Variants in UBE2V1 observed in about 807,000 individuals in gnomAD.
UBE2V1 encodes ubiquitin-conjugating enzyme E2 variant 1.
In UBE2V1, 15 loss-of-function variants were observed where a neutral mutation model predicts 19.6. That is an observed-to-expected ratio of 0.77 (90% CI 0.51 to 1.18). UBE2V1 has a LOEUF of 1.18. Ranked by LOEUF, UBE2V1 falls within the 50% of genes most tolerant of loss-of-function variation. The probability of loss-of-function intolerance (pLI) is 0.00; values close to 1 mark genes in which losing one functional copy is unlikely to be tolerated. For missense variants in UBE2V1, 125 were observed against 184.8 expected, an observed-to-expected ratio of 0.68 and a Z score of 1.88; for synonymous variants, 60 against 60.7, an observed-to-expected ratio of 0.99 and a Z score of 0.05.
chr20:50,106,850 CAACA>C (rs2080398506), intron 1 of UBE2V1, among the ~76,000 whole-genome samples: 2 of 108,262 alleles, frequency 1.8e-5, no homozygotes, highest in African/African-American at 7.4e-5. Context: ...CCAAAAACAA[CAACA>C]ACAACAACAA....
upstream of UBE2V1, among the ~76,000 whole-genome samples, chr20:50,113,814 CAAA>C (rs2080925111): frequency 6.9e-4 from 20 of 29,148 alleles, no homozygotes; most frequent in South Asian, 0.015. Flanking sequence ...TTCATTCAAC[CAAA>C]CAAACAAACA....
intron 1 of UBE2V1, among the ~76,000 whole-genome samples, chr20:50,102,542 G>A (rs749386140): frequency 5.3e-5 from 8 of 152,002 alleles, no homozygotes; most frequent in Middle Eastern, 3.2e-3. Flanking sequence ...TCCCACATGC[G>A]CTACCATGCC....
At chr20:50,112,616 A>AC (rs1257404688) in intron 1 of UBE2V1, among the ~76,000 whole-genome samples, 1 of 151,600 alleles carries the variant, frequency 6.6e-6, no homozygotes, top group Non-Finnish European at 1.5e-5. Context: ...CTCTCAAGTC[A>AC]CCCCCTCAGG....
At chr20:50,099,856 C>CT (rs2079870874) in intron 1 of UBE2V1, among the ~76,000 whole-genome samples, 1 of 152,198 alleles carries the variant, frequency 6.6e-6, no homozygotes, top group South Asian at 2.1e-4. Flanking sequence ...AATCCCAGCA[C>CT]TTTGAGAGGC....
chr20:50,094,658 T>C (rs1050239835), intron 2 of UBE2V1, among the ~76,000 whole-genome samples: 1 of 152,044 alleles, frequency 6.6e-6, no homozygotes, highest in African/African-American at 2.4e-5. Context: ...CCATTTATAA[T>C]AGATGTTCAG....
chr20:50,104,655 CAAAAAAAAA>C (rs113771532), intron 1 of UBE2V1, among the ~76,000 whole-genome samples: 2 of 71,618 alleles, frequency 2.8e-5, no homozygotes, highest in African/African-American at 1.0e-4. Flanking sequence ...GACTCTGGCA[CAAAAAAAAA>C]AAAAAAAAAA....
At chr20:50,094,297 T>TACA (rs1323718771) in intron 2 of UBE2V1, among the ~76,000 whole-genome samples, 1 of 135,320 alleles carries the variant, frequency 7.4e-6, no homozygotes, top group Non-Finnish European at 1.5e-5. Flanking sequence ...TAATATATAA[T>TACA]TATATATAAT....
chr20:50,084,475 A>G (rs1166085449), intron 2 of UBE2V1: 1 of 759,340 alleles, frequency 1.3e-6, no homozygotes. Context: ...GGAGCATTTA[A>G]GCTAGTACCA....
upstream of UBE2V1, chr20:50,115,924 G>A (rs759202518): frequency 9.0e-5 from 16 of 177,290 alleles, no homozygotes; most frequent in Non-Finnish European, 1.6e-4. Flanking sequence ...AATAATTCCC[G>A]TGCCGAGCTC....
chr20:50,083,973 G>A (rs777533738), intron 3 of UBE2V1, 156 bp downstream of exon 3: 101 of 1,186,550 alleles, frequency 8.5e-5, no homozygotes, highest in Middle Eastern at 6.1e-4. Context: ...TGGGAAACAG[G>A]CCCCATCCCA....
In UBE2V1 at chr20:50,098,871, T is replaced by G; in HGVS notation, c.23-2051A>C. The G allele has an allele frequency of 5.2e-6, 5 of 969,246 alleles. No individual in the cohort carries two copies. The South Asian group carries it at 2.4e-4, about 46-fold the overall frequency. The allele number at this position is 969,246 out of a possible 1,614,324, so 60.0% of individuals were successfully genotyped here. A position where few individuals can be genotyped will look rare whatever the true frequency, so the allele number is the denominator to read the frequency against. ...GTATTTGAAAGGAAACAGCAAAACC[T>G]GCAAGCATACTTGAACTGCTTGTTT... On this transcript the variant is annotated intron_variant, in intron 1 of 3. Transcript: ENST00000371674.
upstream of UBE2V1, among the ~76,000 whole-genome samples, chr20:50,114,046 AC>A (rs1238042396): frequency 1.3e-5 from 2 of 152,172 alleles, no homozygotes; most frequent in African/African-American, 4.8e-5. Context: ...TTCAGCAGAG[AC>A]CGTAACAATG....
intron 1 of UBE2V1, among the ~76,000 whole-genome samples, chr20:50,099,712 C>T (rs2079863376): frequency 6.6e-6 from 1 of 152,158 alleles, no homozygotes; most frequent in South Asian, 2.1e-4. Context: ...AGCACTTCAT[C>T]TCAATAAGGA....
chr20:50,094,244 TTATATAA>T, intron 2 of UBE2V1, among the ~76,000 whole-genome samples: 1 of 141,038 alleles, frequency 7.1e-6, no homozygotes, highest in Non-Finnish European at 1.5e-5. Flanking sequence ...ATATAATGCA[TTATATAA>T]TATATAATGC....
intron 2 of UBE2V1, among the ~76,000 whole-genome samples, chr20:50,092,970 C>T (rs907270657): frequency 1.3e-5 from 2 of 152,190 alleles, no homozygotes; most frequent in African/African-American, 4.8e-5. Context: ...TGCATGAGCT[C>T]TTCCTCTGCA....
At chr20:50,097,045 C>A (rs952431315) in intron 1 of UBE2V1, among the ~76,000 whole-genome samples, 1 of 152,190 alleles carries the variant, frequency 6.6e-6, no homozygotes, top group African/African-American at 2.4e-5. Context: ...GTGACTAGGG[C>A]TAGATAACCA....
intron 1 of UBE2V1, among the ~76,000 whole-genome samples, chr20:50,107,532 G>A (rs1205177918): frequency 6.6e-6 from 1 of 152,186 alleles, no homozygotes; most frequent in Non-Finnish European, 1.5e-5. Context: ...TGGAGAAGGG[G>A]AGGATGGTTA....
At chr20:50,114,446 C>T (rs548548484), upstream of UBE2V1, among the ~76,000 whole-genome samples, 35 of 152,300 alleles carry the variant, frequency 2.3e-4, no homozygotes, top group Non-Finnish European at 4.4e-4. Context: ...TCCATATAGA[C>T]CAACATCTGC....
chr20:50,096,924 A>G, intron 1 of UBE2V1, 104 bp from the exon 2 acceptor site: 1 of 1,532,084 alleles, frequency 6.5e-7, no homozygotes, highest in South Asian at 1.3e-5. Flanking sequence ...AGATGCTAAC[A>G]TGCAAAAAAA....
Sources: gnomAD v4.1 joint callset for allele counts (sites outside exome capture counted in the v4.1 genomes callset) on GRCh38, gnomAD v4.1.1 for gene constraint, MANE v1.5 for transcripts, NCBI Gene and HGNC (gene_info 2026-07-23, HGNC 2026-07-21) for gene names.